Variants in ATRNL1 observed in about 807,000 individuals in gnomAD.
The protein encoded by ATRNL1 is attractin like 1, also known as attractin-like protein 1.
ATRNL1 carries 95 observed loss-of-function variants against 182.7 expected under a neutral mutation model. The ratio of observed to expected loss-of-function variants is 0.52; its 90% CI spans 0.44 to 0.62. ATRNL1 has a LOEUF of 0.62. Among genes scored for constraint, ATRNL1 ranks in the 20% least tolerant of loss-of-function variants. The pLI is 0.00. For missense variants in ATRNL1, 1,471 were observed against 1,679.5 expected (o/e 0.88, Z 2.17); for synonymous variants, 576 against 568.3 (o/e 1.01, Z -0.19).
At chr10:115,611,654 C>G (rs1214227363) in intron 26 of ATRNL1, among the ~76,000 whole-genome samples, 2 of 151,648 alleles carry the variant, frequency 1.3e-5, no homozygotes, top group South Asian at 2.1e-4. Context: ...GATATATTTC[C>G]TTAAATGCTA....
chr10:115,416,386 A>C (rs1845391996), intron 20 of ATRNL1, among the ~76,000 whole-genome samples: 1 of 152,178 alleles, frequency 6.6e-6, no homozygotes, highest in Non-Finnish European at 1.5e-5. Context: ...CCATTTTAAT[A>C]CATTCAAAAT....
chr10:115,386,967 C>T (rs546490268), intron 19 of ATRNL1, among the ~76,000 whole-genome samples: 20 of 151,782 alleles, frequency 1.3e-4, no homozygotes, highest in African/African-American at 4.6e-4. Flanking sequence ...CACATGCACA[C>T]GTATGTTTAT....
chr10:115,164,628 A>G (rs1846954238), intron 6 of ATRNL1, among the ~76,000 whole-genome samples: 2 of 152,154 alleles, frequency 1.3e-5, no homozygotes, highest in African/African-American at 4.8e-5. Context: ...TATATACACA[A>G]TGGAGTATTG....
At chr10:115,169,613 A>G (rs2144079274) in intron 7 of ATRNL1, among the ~76,000 whole-genome samples, 1 of 152,224 alleles carries the variant, frequency 6.6e-6, no homozygotes, top group East Asian at 1.9e-4. Flanking sequence ...TTGCAATTTC[A>G]TATGAATTTT....
At position 115,439,899 on chromosome 10, in the gene ATRNL1, T is replaced by C. The variant is rs536524188; in HGVS notation, c.3322+13597T>C. 4.6e-5 allele frequency among the ~76,000 whole-genome samples: 7 copies of C among 152,096 alleles called. No individual in the cohort carries two copies. In the East Asian group the frequency reaches 9.6e-4, roughly 21 times the overall value. On this transcript the variant is annotated intron_variant, in intron 21 of 28. Coordinates refer to ENST00000355044, the MANE Select transcript of ATRNL1 (RefSeq NM_207303.4). ...TGATTATTCTTATATGAAAGAATTA[T>C]TATTAATGTGTTTACCAAATGATGA... is the stretch of plus-strand genomic sequence containing the variant.
chr10:115,694,965 T>C (rs557377441), intron 26 of ATRNL1, among the ~76,000 whole-genome samples: 6 of 148,840 alleles, frequency 4.0e-5, no homozygotes, highest in Non-Finnish European at 8.9e-5. Flanking sequence ...ACACACAGAG[T>C]ATCTTCATCC....
intron 8 of ATRNL1, among the ~76,000 whole-genome samples, chr10:115,197,653 A>T (rs782753603): frequency 0.024 from 3,704 of 152,146 alleles, 62 homozygotes; most frequent in Non-Finnish European, 0.037. Context: ...TGATTCCAGG[A>T]CCCCATACCA....
At chr10:115,661,395 A>G (rs1555037641) in intron 26 of ATRNL1, among the ~76,000 whole-genome samples, 2 of 152,202 alleles carry the variant, frequency 1.3e-5, no homozygotes, top group East Asian at 1.9e-4. Context: ...AAATGAAAAC[A>G]GAAAATGATG....
chr10:115,170,175 T>C (rs1378247224), intron 7 of ATRNL1, among the ~76,000 whole-genome samples: 1 of 152,210 alleles, frequency 6.6e-6, no homozygotes, highest in Non-Finnish European at 1.5e-5. Context: ...TGAATATAAG[T>C]GGCAAAAGCA....
At chr10:115,587,234 G>A (rs1565190488) in intron 26 of ATRNL1, among the ~76,000 whole-genome samples, 1 of 152,034 alleles carries the variant, frequency 6.6e-6, no homozygotes, top group South Asian at 2.1e-4. Flanking sequence ...CCCCAGAGGT[G>A]GAGCCTACAG....
intron 1 of ATRNL1, among the ~76,000 whole-genome samples, chr10:115,116,950 G>T (rs1352312861): frequency 2.0e-5 from 3 of 151,936 alleles, no homozygotes; most frequent in African/African-American, 7.2e-5. Flanking sequence ...TACTCCTATT[G>T]TTTAGCTTAG....
rs371520576 is a variant in ATRNL1, at chr10:115,742,198, C to T, written c.3903+14843C>T. On this transcript the variant is annotated intron_variant, in intron 27 of 28. Transcript: ENST00000355044. Reference sequence around the variant, plus strand: ...TGACAATATTGAAAGGAAGGAAGGACATGAGATAGTAATTTAAGAAATTGG... The same window carrying T: ...TGACAATATTGAAAGGAAGGAAGGATATGAGATAGTAATTTAAGAAATTGG... Among the ~76,000 whole-genome samples the T allele has an allele frequency of 1.4e-4, 22 of 151,950 alleles. No individual in the cohort carries two copies. In the East Asian group the frequency reaches 1.6e-3, roughly 11 times the overall value.
At chr10:115,280,395 C>T (rs1437983313) in intron 13 of ATRNL1, among the ~76,000 whole-genome samples, 3 of 151,950 alleles carry the variant, frequency 2.0e-5, no homozygotes, top group East Asian at 3.9e-4. Context: ...AAAATAAAAA[C>T]AGAGAAAAGA....
intron 8 of ATRNL1, among the ~76,000 whole-genome samples, chr10:115,200,128 T>G (rs977315414): frequency 2.6e-5 from 4 of 152,098 alleles, no homozygotes; most frequent in African/African-American, 7.2e-5. Flanking sequence ...CAGTTCAGTT[T>G]TATCACATTT....
At chr10:115,225,787 A>G (rs1251121503) in intron 9 of ATRNL1, among the ~76,000 whole-genome samples, 8 of 151,490 alleles carry the variant, frequency 5.3e-5, no homozygotes, top group African/African-American at 1.9e-4. Flanking sequence ...GCAGATGTCT[A>G]TTCTGCCCAA....
intron 6 of ATRNL1, among the ~76,000 whole-genome samples, chr10:115,160,862 A>G (rs1404266637): frequency 1.3e-5 from 2 of 151,952 alleles, no homozygotes; most frequent in Non-Finnish European, 2.9e-5. Context: ...TGTTCATATT[A>G]TGTAATAACT....
At chr10:115,916,200 C>T (rs1438244107) in intron 28 of ATRNL1, among the ~76,000 whole-genome samples, 1 of 152,202 alleles carries the variant, frequency 6.6e-6, no homozygotes, top group African/African-American at 2.4e-5. Flanking sequence ...ACTCATGCAC[C>T]ACATATTGGA....
chr10:115,403,257 CTTT>C (rs59256867), intron 20 of ATRNL1, among the ~76,000 whole-genome samples: 7 of 107,460 alleles, frequency 6.5e-5, no homozygotes, highest in South Asian at 2.8e-4. Flanking sequence ...TTACTCTCAT[CTTT>C]TTTTTTTTTT....
intron 26 of ATRNL1, among the ~76,000 whole-genome samples, chr10:115,635,852 G>T (rs12359109): frequency 0.028 from 4,251 of 152,210 alleles, 100 homozygotes; most frequent in Non-Finnish European, 0.043. Context: ...TAACAAGGTA[G>T]ATGGATTTCA....
Sources: gnomAD v4.1 joint callset for allele counts (sites outside exome capture counted in the v4.1 genomes callset) on GRCh38, gnomAD v4.1.1 for gene constraint, MANE v1.5 for transcripts, NCBI Gene and HGNC (gene_info 2026-07-23, HGNC 2026-07-21) for gene names.